The following MAGI2 variants were observed in gnomAD, a reference collection of about 807,000 sequenced individuals.
MAGI2 encodes membrane associated guanylate kinase, WW and PDZ domain containing 2.
In MAGI2, 35 loss-of-function variants were observed where a neutral mutation model predicts 133.3. That is an observed-to-expected ratio of 0.26 (90% CI 0.20 to 0.35). The LOEUF (loss-of-function observed/expected upper bound fraction) is 0.35. Ranked by LOEUF, MAGI2 falls within the 10% of genes least tolerant of loss-of-function variation. MAGI2 has a pLI of 1.00. For synonymous variants in MAGI2, 729 were observed against 710.6 expected (o/e 1.03, Z -0.41); for missense variants, 1,636 against 1,863.4 (o/e 0.88, Z 2.25).
rs1585024417 is a variant in MAGI2, at chr7:78,367,699, CT to C, written c.1103+1456del. Among the ~76,000 whole-genome samples, 3 of 152,300 alleles carry C rather than the reference CT, an allele frequency of 2.0e-5. No individual in the cohort carries two copies. In the East Asian group the frequency reaches 5.8e-4, roughly 29 times the overall value. ...TGTGATATGCCTCACACTCAGTTCT[CT>C]TTCCTTACATGGAATTTCCTTGAAT... On this transcript the variant is annotated intron_variant, in intron 7 of 21. Transcript: ENST00000354212.
chr7:78,747,038 G>A (rs1448484609), intron 2 of MAGI2, among the ~76,000 whole-genome samples: 1 of 152,122 alleles, frequency 6.6e-6, no homozygotes, highest in Non-Finnish European at 1.5e-5. Context: ...ATAGATCAGA[G>A]GAAATATACC....
At chr7:78,425,867 T>C (rs906866230) in intron 6 of MAGI2, among the ~76,000 whole-genome samples, 11 of 152,252 alleles carry the variant, frequency 7.2e-5, no homozygotes, top group Admixed American at 2.0e-4. Context: ...GGGTCAATAA[T>C]CTGCTAGTAA....
intron 3 of MAGI2, among the ~76,000 whole-genome samples, chr7:78,589,380 C>T (rs1260426275): frequency 2.0e-5 from 3 of 152,170 alleles, no homozygotes; most frequent in Non-Finnish European, 2.9e-5. Flanking sequence ...CCAGAATGTA[C>T]ATGGTTGATA....
intron 1 of MAGI2, among the ~76,000 whole-genome samples, chr7:79,259,679 T>G (rs1184196893): frequency 6.6e-6 from 1 of 152,206 alleles, no homozygotes; most frequent in African/African-American, 2.4e-5. Context: ...CTAAGAATTT[T>G]TTGTTCCAGT....
chr7:78,078,649 G>A, intron 21 of MAGI2: 1 of 503,818 alleles, frequency 2.0e-6, no homozygotes, highest in Non-Finnish European at 3.4e-6. Flanking sequence ...ATATTTAAGT[G>A]GTGCTAGATC....
intron 20 of MAGI2, among the ~76,000 whole-genome samples, chr7:78,091,800 A>G (rs1329120468): frequency 6.6e-6 from 1 of 152,254 alleles, no homozygotes; most frequent in Non-Finnish European, 1.5e-5. Flanking sequence ...TTTCTTCTAC[A>G]TGAAGAAGCA....
intron 9 of MAGI2, among the ~76,000 whole-genome samples, chr7:78,335,730 T>C (rs1789693444): frequency 6.6e-6 from 1 of 152,148 alleles, no homozygotes; most frequent in African/African-American, 2.4e-5. Context: ...ATGATGACAC[T>C]TTTGGGGGAA....
chr7:78,094,697 C>A (rs1316379951), intron 20 of MAGI2, among the ~76,000 whole-genome samples: 1 of 152,196 alleles, frequency 6.6e-6, no homozygotes, highest in African/African-American at 2.4e-5. Flanking sequence ...CACTGAGAGA[C>A]AATGTGCAAT....
At chr7:78,765,245 T>C (rs1166466652) in intron 2 of MAGI2, among the ~76,000 whole-genome samples, 1 of 152,122 alleles carries the variant, frequency 6.6e-6, no homozygotes, top group Non-Finnish European at 1.5e-5. Context: ...TTGCTCTTTG[T>C]TGAGCCAGGC....
chr7:78,150,488 G>A (rs531354662), intron 16 of MAGI2, among the ~76,000 whole-genome samples: 2 of 151,380 alleles, frequency 1.3e-5, no homozygotes, highest in South Asian at 4.1e-4. Context: ...TGCGGGCTCT[G>A]AATTTACTTG....
intron 1 of MAGI2, among the ~76,000 whole-genome samples, chr7:79,302,725 T>C (rs1406153): frequency 0.93 from 141,792 of 152,250 alleles, 66,387 homozygotes; most frequent in Non-Finnish European, 0.98. Flanking sequence ...TGGTCCTCAG[T>C]AGCAGGCCTG....
At chr7:79,175,721 T>C (rs1826034366) in intron 1 of MAGI2, among the ~76,000 whole-genome samples, 1 of 152,048 alleles carries the variant, frequency 6.6e-6, no homozygotes, top group Admixed American at 6.6e-5. Flanking sequence ...TACAGCATGT[T>C]ACTGTACTGA....
chr7:78,281,992 C>T (rs1009471531), intron 9 of MAGI2, among the ~76,000 whole-genome samples: 1 of 151,278 alleles, frequency 6.6e-6, no homozygotes, highest in South Asian at 2.1e-4. Context: ...AGAGAATAAA[C>T]TTTGAATGCT....
intron 6 of MAGI2, among the ~76,000 whole-genome samples, chr7:78,461,609 T>A (rs1468310936): frequency 6.6e-6 from 1 of 151,382 alleles, no homozygotes; most frequent in African/African-American, 2.4e-5. Flanking sequence ...TGAAGAGAAG[T>A]GATGTAAAAA....
intron 2 of MAGI2, among the ~76,000 whole-genome samples, chr7:78,744,188 G>A (rs571282820): frequency 2.4e-4 from 36 of 151,898 alleles, no homozygotes; most frequent in African/African-American, 5.5e-4. Flanking sequence ...ATCCTCTTTC[G>A]TCATAGAATT....
intron 3 of MAGI2, chr7:78,618,517 A>G (rs1205224178): frequency 6.6e-6 from 1 of 151,998 alleles, no homozygotes; most frequent in Non-Finnish European, 1.5e-5. Context: ...AGGGAGAAAT[A>G]TAAGTAAAAT....
chr7:79,356,494 G>A (rs961956835), intron 1 of MAGI2, among the ~76,000 whole-genome samples: 3 of 152,058 alleles, frequency 2.0e-5, no homozygotes, highest in African/African-American at 4.8e-5. Flanking sequence ...GTTTCCAAAT[G>A]TTTCCTATTT....
At chr7:78,620,440 T>C (rs1663765817) in intron 3 of MAGI2, among the ~76,000 whole-genome samples, 1 of 152,040 alleles carries the variant, frequency 6.6e-6, no homozygotes, top group African/African-American at 2.4e-5. Flanking sequence ...TTAGCTTAAT[T>C]GCCTAGAAAA....
At chr7:78,333,791 G>T (rs546755896) in intron 9 of MAGI2, among the ~76,000 whole-genome samples, 1 of 152,224 alleles carries the variant, frequency 6.6e-6, no homozygotes. Context: ...AGCTTCATAT[G>T]ACTGCAGCTG....
Sources: allele counts gnomAD v4.1 joint callset (sites outside exome capture counted in the v4.1 genomes callset), GRCh38; gene constraint gnomAD v4.1.1; transcripts MANE v1.5; gene names NCBI Gene and HGNC (gene_info 2026-07-23, HGNC 2026-07-21).